The following UBE2G1 variants were observed in gnomAD, a reference collection of about 807,000 sequenced individuals.
UBE2G1 encodes ubiquitin conjugating enzyme E2 G1.
In UBE2G1, 5 loss-of-function variants were observed where a neutral mutation model predicts 22.7. That is an observed-to-expected ratio of 0.22 (90% CI 0.12 to 0.46). UBE2G1 has a LOEUF of 0.46. Among genes scored for constraint, UBE2G1 ranks in the 20% least tolerant of loss-of-function variants. The probability of loss-of-function intolerance (pLI) is 0.99; values close to 1 mark genes in which losing one functional copy is unlikely to be tolerated. For synonymous variants in UBE2G1, 74 were observed against 67.5 expected (o/e 1.10, Z -0.47); for missense variants, 88 against 203.9 (o/e 0.43, Z 3.46).
rs913834098 is a variant in UBE2G1, at chr17:4,298,116, T to C, written c.150-1302A>G. On this transcript the variant is annotated intron_variant, in intron 2 of 5. Transcript: ENST00000396981. Reference sequence around the variant, plus strand: ...ATGGAATGATATGAGGAATCTATTGTTACATTTTTAAAAGCAGGTATTTCT... The same window carrying C: ...ATGGAATGATATGAGGAATCTATTGCTACATTTTTAAAAGCAGGTATTTCT... Among the ~76,000 whole-genome samples, 4 of 152,322 alleles carry C rather than the reference T, an allele frequency of 2.6e-5. 1 individual carries two copies. The East Asian group carries it at 5.8e-4, about 22-fold the overall frequency.
intron 1 of UBE2G1, among the ~76,000 whole-genome samples, chr17:4,337,514 G>A (rs1270908020): frequency 6.6e-6 from 1 of 151,604 alleles, no homozygotes; most frequent in Non-Finnish European, 1.5e-5. Context: ...TTAGCCAGGT[G>A]CGGTGGCGCA....
chr17:4,317,232 C>A (rs1008552352), intron 1 of UBE2G1, among the ~76,000 whole-genome samples: 6 of 152,174 alleles, frequency 3.9e-5, no homozygotes, highest in African/African-American at 1.4e-4. Context: ...TGCCTCTAAT[C>A]CCAGCTATTC....
intron 1 of UBE2G1, among the ~76,000 whole-genome samples, chr17:4,320,669 G>A (rs777335844): frequency 1.1e-4 from 16 of 152,072 alleles, no homozygotes; most frequent in Non-Finnish European, 1.5e-4. Context: ...AGTAACATAG[G>A]AAAATAAAAT....
intron 1 of UBE2G1, among the ~76,000 whole-genome samples, chr17:4,319,874 A>ATCC (rs1236468680): frequency 6.6e-6 from 1 of 152,178 alleles, no homozygotes; most frequent in East Asian, 1.9e-4. Context: ...GAATTCAGTA[A>ATCC]CAGAAAAACG....
At chr17:4,341,291 A>G (rs1003899483) in intron 1 of UBE2G1, among the ~76,000 whole-genome samples, 11 of 152,150 alleles carry the variant, frequency 7.2e-5, no homozygotes, top group Admixed American at 3.3e-4. Flanking sequence ...AAATCATGAG[A>G]TAAGTATGAA....
chr17:4,336,151 A>T (rs758396652), intron 1 of UBE2G1, among the ~76,000 whole-genome samples: 6 of 152,156 alleles, frequency 3.9e-5, no homozygotes, highest in Admixed American at 6.6e-5. Context: ...TCTCAAAAAG[A>T]AAAGAAAAGA....
At chr17:4,276,197 C>T (rs1402641683) in intron 5 of UBE2G1, among the ~76,000 whole-genome samples, 3 of 152,032 alleles carry the variant, frequency 2.0e-5, no homozygotes, top group East Asian at 1.9e-4. Context: ...AGCCCCCCCG[C>T]CCTTTTTTTT....
At chr17:4,285,159 A>G (rs1004526313) in intron 4 of UBE2G1, among the ~76,000 whole-genome samples, 1 of 151,802 alleles carries the variant, frequency 6.6e-6, no homozygotes. Flanking sequence ...ATAATTTAAA[A>G]CGAAAATTTC....
intron 1 of UBE2G1, among the ~76,000 whole-genome samples, chr17:4,340,536 T>G (rs929729406): frequency 6.6e-6 from 1 of 152,158 alleles, no homozygotes; most frequent in African/African-American, 2.4e-5. Flanking sequence ...TAGTGAGTTC[T>G]CACGAGATCT....
intron 4 of UBE2G1, 124 bp downstream of exon 4, chr17:4,289,106 T>TACACACACACACACACAC: frequency 1.9e-6 from 1 of 515,446 alleles, no homozygotes; most frequent in African/African-American, 2.0e-5. Context: ...TGGGAAGAGA[T>TACACACACACACACACAC]ACACACACAC....
At chr17:4,316,669 C>T (rs1046552941) in intron 1 of UBE2G1, among the ~76,000 whole-genome samples, 1 of 152,096 alleles carries the variant, frequency 6.6e-6, no homozygotes, top group Non-Finnish European at 1.5e-5. Context: ...ACACGGGCTA[C>T]CGGCTAGCTG....
At chr17:4,300,525 A>G (rs1341936973) in intron 2 of UBE2G1, among the ~76,000 whole-genome samples, 1 of 152,186 alleles carries the variant, frequency 6.6e-6, no homozygotes, top group Non-Finnish European at 1.5e-5. Flanking sequence ...CCTGGGCCAC[A>G]AAGCAAGACT....
intron 1 of UBE2G1, among the ~76,000 whole-genome samples, chr17:4,345,031 T>C (rs889814843): frequency 1.3e-5 from 2 of 152,198 alleles, no homozygotes; most frequent in African/African-American, 4.8e-5. Flanking sequence ...AAATTTTAAA[T>C]GAGCTTTGCA....
Position 4,349,813 on chromosome 17 carries a change from A to C in UBE2G1, c.46+16458T>G, listed in dbSNP as rs79642671. Among the ~76,000 whole-genome samples the C allele has an allele frequency of 6.1e-3, 929 of 151,460 alleles. 21 individuals are homozygous for C. The highest frequency in any genetic ancestry group is 0.049 in the Admixed American group (748 of 15,158). On this transcript the variant is annotated intron_variant, in intron 1 of 5. Coordinates refer to ENST00000396981, the MANE Select transcript of UBE2G1 (RefSeq NM_003342.5). ...AGCCGAGATTGCGCCACTACACTCC[A>C]GTCTCGGCGACAGAGCGAGATTCCG...
chr17:4,296,013 C>T (rs1969105778), intron 3 of UBE2G1, among the ~76,000 whole-genome samples: 1 of 149,876 alleles, frequency 6.7e-6, no homozygotes, highest in African/African-American at 2.5e-5. Flanking sequence ...TATGAATACA[C>T]ATAGAAGAGT....
At chr17:4,345,911 C>G (rs1294874791) in intron 1 of UBE2G1, 1 of 152,146 alleles carries the variant, frequency 6.6e-6, no homozygotes. Context: ...CAGTTCTATT[C>G]AAAATCATAA....
intron 4 of UBE2G1, among the ~76,000 whole-genome samples, chr17:4,283,488 A>G (rs1367867050): frequency 6.6e-6 from 1 of 152,200 alleles, no homozygotes; most frequent in Non-Finnish European, 1.5e-5. Flanking sequence ...CGACAGAGCG[A>G]GACTCCATCT....
intron 1 of UBE2G1, among the ~76,000 whole-genome samples, chr17:4,316,987 C>T (rs986867229): frequency 8.0e-5 from 12 of 150,474 alleles, no homozygotes; most frequent in South Asian, 2.1e-4. Flanking sequence ...GCCTCTAATC[C>T]GAACACTTTG....
At chr17:4,314,592 G>C (rs1439761005) in intron 1 of UBE2G1, among the ~76,000 whole-genome samples, 1 of 152,078 alleles carries the variant, frequency 6.6e-6, no homozygotes, top group Non-Finnish European at 1.5e-5. Flanking sequence ...ATTACTATTT[G>C]ATCAAATGAG....
Sources: allele counts gnomAD v4.1 joint callset (sites outside exome capture counted in the v4.1 genomes callset), GRCh38; gene constraint gnomAD v4.1.1; transcripts MANE v1.5; gene names NCBI Gene and HGNC (gene_info 2026-07-23, HGNC 2026-07-21).